NAV2: variants seen among roughly 807,000 people sequenced by gnomAD.
The protein encoded by NAV2 is neuron navigator 2.
A neutral mutation model predicts 223.2 loss-of-function variants in NAV2; 54 were observed. That is an observed-to-expected ratio of 0.24 (90% confidence interval 0.19 to 0.30). The LOEUF (loss-of-function observed/expected upper bound fraction) is 0.30. Ranked by LOEUF, NAV2 falls within the 10% of genes least tolerant of loss-of-function variation. The pLI, the probability that NAV2 is intolerant of heterozygous loss-of-function variation, is 1.00. For synonymous variants in NAV2, 1,279 were observed against 1,239.3 expected (o/e 1.03, Z -0.67); for missense variants, 2,806 against 3,147.5 (o/e 0.89, Z 2.60).
At chr11:20,101,962 G>C (rs1397361397) in intron 32 of NAV2, among the ~76,000 whole-genome samples, 1 of 152,204 alleles carries the variant, frequency 6.6e-6, no homozygotes, top group Non-Finnish European at 1.5e-5. Flanking sequence ...GGATCACCTA[G>C]TGTGCTTGAA....
At chr11:19,532,395 GA>G (rs1294158595) in intron 1 of NAV2, among the ~76,000 whole-genome samples, 1 of 152,084 alleles carries the variant, frequency 6.6e-6, no homozygotes, top group Non-Finnish European at 1.5e-5. Flanking sequence ...TCAAAACCCA[GA>G]AAAAAAGTCC....
chr11:19,377,663 G>A (rs1171403465), intron 1 of NAV2, among the ~76,000 whole-genome samples: 1 of 124,640 alleles, frequency 8.0e-6, no homozygotes, highest in Non-Finnish European at 1.8e-5. Context: ...GGTTGAAGGA[G>A]ATTTCCAACC....
At chr11:19,798,040 C>T (rs949920066) in intron 1 of NAV2, among the ~76,000 whole-genome samples, 8 of 152,074 alleles carry the variant, frequency 5.3e-5, no homozygotes, top group African/African-American at 1.9e-4. Context: ...GGTGTGATTC[C>T]CTCCCTCTGG....
At chr11:19,656,321 G>A (rs1435043608) in intron 1 of NAV2, among the ~76,000 whole-genome samples, 1 of 152,164 alleles carries the variant, frequency 6.6e-6, no homozygotes, top group African/African-American at 2.4e-5. Context: ...TTTTTGTGGT[G>A]CGTCATGCTT....
At chr11:19,890,100 T>A (rs1797432648) in intron 5 of NAV2, among the ~76,000 whole-genome samples, 2 of 152,238 alleles carry the variant, frequency 1.3e-5, no homozygotes, top group Admixed American at 6.5e-5. Context: ...TTAAGCCATT[T>A]CAGATTTACA....
chr11:20,112,457 G>T (rs1171191428), intron 36 of NAV2, among the ~76,000 whole-genome samples: 2 of 152,162 alleles, frequency 1.3e-5, no homozygotes, highest in Non-Finnish European at 2.9e-5. Flanking sequence ...AGAGAGATGG[G>T]CCCATCTGAG....
At chr11:20,032,174 C>T (rs575808160) in intron 11 of NAV2, among the ~76,000 whole-genome samples, 1 of 152,212 alleles carries the variant, frequency 6.6e-6, no homozygotes, top group African/African-American at 2.4e-5. Context: ...ACAGCTCTGG[C>T]AAATATCGAG....
At chr11:19,873,291 C>T (rs560844907) in intron 4 of NAV2, among the ~76,000 whole-genome samples, 7 of 152,170 alleles carry the variant, frequency 4.6e-5, no homozygotes, top group Admixed American at 3.3e-4. Flanking sequence ...GCACAGGATC[C>T]GGTGGTGACC....
chr11:19,795,801 T>G (rs2057840338), intron 1 of NAV2, among the ~76,000 whole-genome samples: 2 of 152,242 alleles, frequency 1.3e-5, no homozygotes, highest in Admixed American at 1.3e-4. Flanking sequence ...CCTTCCAGTT[T>G]GCCATGGGAC....
At chr11:19,674,700 G>C (rs2048668084) in intron 1 of NAV2, among the ~76,000 whole-genome samples, 1 of 152,146 alleles carries the variant, frequency 6.6e-6, no homozygotes, top group African/African-American at 2.4e-5. Context: ...TCTCTGCCTG[G>C]AACATAAGGT....
chr11:19,446,707 ACCGC>A (rs1343132613), intron 1 of NAV2, among the ~76,000 whole-genome samples: 2 of 152,146 alleles, frequency 1.3e-5, no homozygotes, highest in Non-Finnish European at 1.5e-5. Context: ...AAACAGCTGA[ACCGC>A]TGAACTGCTT....
chr11:19,853,643 G>A (rs1301305673), intron 3 of NAV2, among the ~76,000 whole-genome samples: 3 of 152,116 alleles, frequency 2.0e-5, no homozygotes, highest in Non-Finnish European at 4.4e-5. Context: ...TTTTTTCTTA[G>A]AACTATTATA....
intron 1 of NAV2, among the ~76,000 whole-genome samples, chr11:19,523,137 C>T (rs985966784): frequency 2.0e-5 from 3 of 152,224 alleles, no homozygotes; most frequent in Admixed American, 2.0e-4. Context: ...GGCTCCTAGA[C>T]TTCAAAGCTG....
intron 1 of NAV2, among the ~76,000 whole-genome samples, chr11:19,393,758 T>A (rs564689216): frequency 6.6e-6 from 1 of 152,174 alleles, no homozygotes; most frequent in Non-Finnish European, 1.5e-5. Flanking sequence ...TTCTTCTTTT[T>A]TCTCTCTCCT....
Position 19,939,799 on chromosome 11 carries a change from T to C in NAV2, c.2146+26T>C, listed in dbSNP as rs759895784. ...GTGAGTATGGAGCCTCAGAAATCTGTGTCTGTTGGTGATGAGGCCTTCCAC... is the reference window on the plus strand; with the variant it reads ...GTGAGTATGGAGCCTCAGAAATCTGCGTCTGTTGGTGATGAGGCCTTCCAC... On this transcript the variant is annotated intron_variant, in intron 8 of 37. Transcript: ENST00000349880. The C allele has an allele frequency of 1.3e-5, 20 of 1,575,798 alleles. 1 individual carries two copies. The South Asian group carries it at 1.6e-4, about 12-fold the overall frequency.
chr11:20,073,218 T>C (rs2059512093), intron 22 of NAV2, among the ~76,000 whole-genome samples: 1 of 152,004 alleles, frequency 6.6e-6, no homozygotes, highest in South Asian at 2.1e-4. Flanking sequence ...TTTGGTTCTG[T>C]TTATGTGATG....
At chr11:19,976,095 G>A (rs1333329626) in intron 10 of NAV2, among the ~76,000 whole-genome samples, 4 of 152,096 alleles carry the variant, frequency 2.6e-5, no homozygotes, top group Non-Finnish European at 4.4e-5. Flanking sequence ...ATAAATATAC[G>A]TAGAAGCACT....
At position 19,656,322 on chromosome 11, in the gene NAV2, C is replaced by T. The variant is rs59985690; in HGVS notation, c.76-176162C>T. On this transcript the variant is annotated intron_variant, in intron 1 of 37. Transcript: ENST00000360655. ...CTGTACCTTACTGGTTTTTGTGGTG[C>T]GTCATGCTTTACTGGACTCTCCAGC... is the stretch of plus-strand genomic sequence containing the variant. Among the ~76,000 whole-genome samples the T allele has an allele frequency of 6.9e-3, 1,043 of 152,246 alleles. 23 individuals are homozygous for T. The highest frequency in any genetic ancestry group is 0.064 in the East Asian group (331 of 5,168).
chr11:19,900,046 A>C (rs1342895967), intron 6 of NAV2, among the ~76,000 whole-genome samples: 2 of 152,038 alleles, frequency 1.3e-5, no homozygotes, highest in Non-Finnish European at 2.9e-5. Flanking sequence ...TTTTTTGGGA[A>C]TCAGCTGTGA....
Sources: allele counts gnomAD v4.1 joint callset (sites outside exome capture counted in the v4.1 genomes callset), GRCh38; gene constraint gnomAD v4.1.1; transcripts MANE v1.5; gene names NCBI Gene and HGNC (gene_info 2026-07-23, HGNC 2026-07-21).